Variants in MSL2 observed in about 807,000 individuals in gnomAD.
MSL2 encodes the protein MSL complex subunit 2, also known as E3 ubiquitin-protein ligase MSL2.
A neutral mutation model predicts 35.8 loss-of-function variants in MSL2; 2 were observed. The ratio of observed to expected loss-of-function variants is 0.06; its 90% CI spans 0.02 to 0.18. The LOEUF (loss-of-function observed/expected upper bound fraction) is 0.18, where lower values mean the gene tolerates loss of function less well. MSL2 is among the 10% of genes least tolerant of loss of function. The probability of loss-of-function intolerance (pLI) is 1.00; values close to 1 mark genes in which losing one functional copy is unlikely to be tolerated. For synonymous variants in MSL2, 296 were observed against 255.7 expected (o/e 1.16, Z -1.50); for missense variants, 523 against 706.7 (o/e 0.74, Z 2.95).
chr3:136,151,427 G>A lies in MSL2; in HGVS notation c.1454C>T (p.Ser485Phe), dbSNP rs1939362690. ...TCRGQRCPCY[S>F]NRKACLDCIC... ...ACAATCTAAGCAGGCTTTGCGGTTA[G>A]AGTAGCAAGGGCAGCGTTGGCCTCG... The change falls in exon 2 of 2, where the codon TCT becomes TTT. Residue 485 changes from serine (S) to phenylalanine (F), a missense_variant. Transcript: ENST00000309993. This position sits in a 1 kb window ranked among gnomAD's most constrained non-coding sequence, Gnocchi z 5.2. The A allele has an allele frequency of 6.2e-7, 1 of 1,614,072 alleles. No individual in the cohort carries two copies. Among genetic ancestry groups the A allele is most frequent in the Non-Finnish European group, 8.5e-7 (1 of 1,180,044 alleles).
intron 1 of MSL2, among the ~76,000 whole-genome samples, chr3:136,177,861 C>T (rs1456024369): frequency 6.6e-6 from 1 of 152,076 alleles, no homozygotes; most frequent in Non-Finnish European, 1.5e-5. Context: ...AGAAAAAGAA[C>T]AGTTAAACAC....
chr3:136,159,354 C>CTTTTTTTTTTTTTTTTTTTTTTTTTT (rs71157361), intron 1 of MSL2, among the ~76,000 whole-genome samples: 1 of 70,054 alleles, frequency 1.4e-5, no homozygotes, highest in African/African-American at 5.6e-5. Flanking sequence ...AGAGTACTTT[C>CTTTTTTTTTTTTTTTTTTTTTTTTTT]TTTTTTTTTT....
chr3:136,183,812 A>T (rs1940434943), intron 1 of MSL2, among the ~76,000 whole-genome samples: 1 of 152,210 alleles, frequency 6.6e-6, no homozygotes, highest in African/African-American at 2.4e-5. Flanking sequence ...AACTGACAAA[A>T]CTACTAAGAG....
chr3:136,152,015 T>A lies in MSL2; in HGVS notation c.866A>T (p.Asn289Ile). Residue 289 changes from asparagine (N) to isoleucine (I), a missense_variant, in exon 2 of 2, where the codon AAT becomes ATT. Asn to Ile is a moderately radical substitution (Grantham distance 149). Transcript: ENST00000309993. Reference protein sequence around the residue: ...TVSNTEVCCPNLQPNLEATVS... With the variant: ...TVSNTEVCCPILQPNLEATVS... Reference sequence around the variant, plus strand: ...AGTGGCTTCCAAGTTCGGCTGCAAATTAGGGCAACAGACCTCTGTATTTGA... The same window carrying A: ...AGTGGCTTCCAAGTTCGGCTGCAAAATAGGGCAACAGACCTCTGTATTTGA... 2.5e-6 allele frequency: 4 copies of A among 1,614,140 alleles called. No homozygotes were observed. Among genetic ancestry groups the A allele is most frequent in the Non-Finnish European group, 3.4e-6 (4 of 1,180,016 alleles).
At chr3:136,155,753 G>A (rs770497155) in intron 1 of MSL2, 47 of 534,638 alleles carry the variant, frequency 8.8e-5, no homozygotes, top group Non-Finnish European at 1.7e-4. Flanking sequence ...AGACGGAATT[G>A]TGAGCACCAT....
In MSL2 at chr3:136,166,400, A is replaced by G. The variant is rs890006868; in HGVS notation, c.143-13662T>C. 2.0e-5 allele frequency among the ~76,000 whole-genome samples: 3 copies of G among 152,154 alleles called. No homozygotes were observed. In the South Asian group the frequency reaches 6.2e-4, roughly 32 times the overall value. On this transcript the variant is annotated intron_variant, in intron 1 of 1. Transcript: ENST00000309993. ...GAGACTCTATCTCAAAAAAAAAGTAAGTTTTAAGGCCCCAGAAAGGGGCTT... is the reference window on the plus strand; with the variant it reads ...GAGACTCTATCTCAAAAAAAAAGTAGGTTTTAAGGCCCCAGAAAGGGGCTT...
At chr3:136,155,657 C>A in intron 1 of MSL2, 1 of 468,172 alleles carries the variant, frequency 2.1e-6, no homozygotes, top group Non-Finnish European at 4.3e-6. Context: ...GGATACAGGA[C>A]AGTAACGAGC....
intron 1 of MSL2, among the ~76,000 whole-genome samples, chr3:136,183,693 A>G (rs932686074): frequency 3.9e-5 from 6 of 152,206 alleles, no homozygotes; most frequent in Non-Finnish European, 8.8e-5. Context: ...ATAAGTTCCA[A>G]AAGGTTTCAT....
In MSL2 at chr3:136,152,418, A is replaced by G; in HGVS notation, c.463T>C (p.Leu155=). 6.2e-7 allele frequency: 1 copy of G among 1,614,200 alleles called. No homozygotes were observed. Among genetic ancestry groups the G allele is most frequent in the Non-Finnish European group, 8.5e-7 (1 of 1,180,028 alleles). ...KPSDSSFTLC[L]THSPLPSTSE... ...GTTGAAGGTAAAGGGGAATGTGTCA[A>G]ACACAAAGTAAAGGATGAATCTGAG... Residue 155 remains leucine, a synonymous_variant, in exon 2 of 2, where the codon TTG becomes CTG. Transcript: ENST00000309993.
intron 1 of MSL2, among the ~76,000 whole-genome samples, chr3:136,165,177 G>T (rs1576361753): frequency 7.8e-6 from 1 of 128,766 alleles, no homozygotes; most frequent in Non-Finnish European, 1.6e-5. Flanking sequence ...CACAAGCCCA[G>T]ACTTTTAAAA....
chr3:136,169,428 A>G (rs1025097990), intron 1 of MSL2, among the ~76,000 whole-genome samples: 10 of 152,080 alleles, frequency 6.6e-5, no homozygotes, highest in Middle Eastern at 3.4e-3. Context: ...CACTCCTATT[A>G]TTGGTTTTGG....
intron 1 of MSL2, among the ~76,000 whole-genome samples, chr3:136,183,719 G>A (rs947174054): frequency 6.6e-6 from 1 of 152,124 alleles, no homozygotes; most frequent in Non-Finnish European, 1.5e-5. Flanking sequence ...TACCAACAGA[G>A]CTTCAAAATA....
chr3:136,162,728 T>A (rs528292304), intron 1 of MSL2, among the ~76,000 whole-genome samples: 9 of 152,320 alleles, frequency 5.9e-5, no homozygotes, highest in Non-Finnish European at 7.3e-5. Context: ...ACCAAAATGT[T>A]ACATGAAATC....
At chr3:136,193,739 A>T (rs983900839) in intron 1 of MSL2, among the ~76,000 whole-genome samples, 2 of 152,178 alleles carry the variant, frequency 1.3e-5, no homozygotes, top group Non-Finnish European at 2.9e-5. Flanking sequence ...ACTGAGGCCC[A>T]GGGCAGTTAG....
chr3:136,151,674 A>G lies in MSL2; in HGVS notation c.1207T>C (p.Leu403=), dbSNP rs1939374868. ...TTPKISKTVL[L]STKSMKKSHE... ...CTCTTTTTCATGCTTTTAGTAGATA[A>G]AAGTACAGTTTTGCTGATTTTAGGT... The change falls in exon 2 of 2, where the codon TTA becomes CTA. Residue 403 remains leucine (L), a synonymous_variant. Transcript: ENST00000309993. The surrounding 1 kb of genome is among the most constrained non-coding windows in gnomAD (Gnocchi z 5.2). 4 of 1,614,150 alleles carry G rather than the reference A, an allele frequency of 2.5e-6. No individual in the cohort carries two copies. Among genetic ancestry groups the G allele is most frequent in the Non-Finnish European group, 3.4e-6 (4 of 1,180,042 alleles).
intron 1 of MSL2, among the ~76,000 whole-genome samples, chr3:136,187,683 A>AT (rs1235394820): frequency 6.6e-6 from 1 of 150,900 alleles, no homozygotes; most frequent in Non-Finnish European, 1.5e-5. Context: ...AAAAAAAAAA[A>AT]TTTTTTTTGA....
rs906516850 is a variant in MSL2 at position 136,193,860 on chromosome 3, G to A, written c.142+1112C>T. On this transcript the variant is annotated intron_variant, in intron 1 of 1. Coordinates refer to ENST00000309993, the MANE Select transcript of MSL2 (RefSeq NM_018133.4). Reference sequence around the variant, plus strand: ...TAAATGTTTATGACCTTAAGTACCTGTCTTGCAAAAAACACCACCGCCACC... The same window carrying A: ...TAAATGTTTATGACCTTAAGTACCTATCTTGCAAAAAACACCACCGCCACC... 1.1e-4 allele frequency among the ~76,000 whole-genome samples: 17 copies of A among 152,062 alleles called. 1 individual carries two copies. The highest frequency in any genetic ancestry group is 2.1e-4 in the South Asian group (1 of 4,822).
At chr3:136,194,421 C>T in intron 1 of MSL2, 4 of 985,408 alleles carry the variant, frequency 4.1e-6, no homozygotes, top group Non-Finnish European at 4.8e-6. Flanking sequence ...CGAGTACCAA[C>T]AGCCTTCCCC....
chr3:136,187,534 G>A (rs1009094808), intron 1 of MSL2, among the ~76,000 whole-genome samples: 2 of 152,010 alleles, frequency 1.3e-5, no homozygotes, highest in Non-Finnish European at 1.5e-5. Context: ...AGCTGGGTGT[G>A]GCGGATGCCT....
Sources: allele counts gnomAD v4.1 joint callset (sites outside exome capture counted in the v4.1 genomes callset), GRCh38; gene constraint gnomAD v4.1.1; non-coding constraint Gnocchi (gnomAD v3.1); transcripts MANE v1.5; gene names NCBI Gene and HGNC (gene_info 2026-07-23, HGNC 2026-07-21).